Variants in UBE2E2 observed in about 807,000 individuals in gnomAD.
UBE2E2 encodes the protein ubiquitin-conjugating enzyme E2 E2.
Under a neutral mutation model 24.7 loss-of-function variants are expected in UBE2E2, and 6 were observed. The ratio of observed to expected loss-of-function variants is 0.24; its 90% CI spans 0.13 to 0.48. The LOEUF is 0.48. Among genes scored for constraint, UBE2E2 ranks in the 20% least tolerant of loss-of-function variants. The probability of loss-of-function intolerance (pLI) is 0.99; values close to 1 mark genes in which losing one functional copy is unlikely to be tolerated. For synonymous variants in UBE2E2, 104 were observed against 83.6 expected (o/e 1.24, Z -1.33); for missense variants, 169 against 245.0 (o/e 0.69, Z 2.07).
intron 3 of UBE2E2, among the ~76,000 whole-genome samples, chr3:23,268,678 T>G (rs1350758323): frequency 1.3e-5 from 2 of 149,592 alleles, no homozygotes; most frequent in African/African-American, 5.0e-5. Context: ...CCAATGAGTT[T>G]CTTCACAGAA....
intron 3 of UBE2E2, among the ~76,000 whole-genome samples, chr3:23,415,270 A>G (rs1395030578): frequency 1.3e-5 from 2 of 152,256 alleles, no homozygotes; most frequent in African/African-American, 2.4e-5. Context: ...AGTCCTTCAC[A>G]TACTAACTAG....
intron 3 of UBE2E2, among the ~76,000 whole-genome samples, chr3:23,342,655 T>G (rs922005917): frequency 6.6e-6 from 1 of 152,206 alleles, no homozygotes; most frequent in African/African-American, 2.4e-5. Flanking sequence ...TGTGTATATT[T>G]AAACATTCCT....
chr3:23,366,591 G>A (rs183454076), intron 3 of UBE2E2, among the ~76,000 whole-genome samples: 3 of 152,196 alleles, frequency 2.0e-5, no homozygotes, highest in Admixed American at 6.5e-5. Context: ...ACAAATAAGG[G>A]TACAACAGAC....
At chr3:23,261,866 C>A (rs958670472) in intron 3 of UBE2E2, among the ~76,000 whole-genome samples, 1 of 152,058 alleles carries the variant, frequency 6.6e-6, no homozygotes, top group Non-Finnish European at 1.5e-5. Context: ...TTTCTTTATT[C>A]ATTTATAGGT....
intron 3 of UBE2E2, among the ~76,000 whole-genome samples, chr3:23,244,928 T>C (rs1389131079): frequency 6.6e-6 from 1 of 152,174 alleles, no homozygotes; most frequent in Non-Finnish European, 1.5e-5. Context: ...TATTTAATTA[T>C]AGAATAAAAA....
intron 3 of UBE2E2, among the ~76,000 whole-genome samples, chr3:23,241,597 C>A (rs976687695): frequency 6.6e-6 from 1 of 152,098 alleles, no homozygotes; most frequent in African/African-American, 2.4e-5. Flanking sequence ...AATGTCATCT[C>A]GGTGAGGCTA....
intron 5 of UBE2E2, among the ~76,000 whole-genome samples, chr3:23,560,210 C>T (rs1418615986): frequency 3.1e-5 from 4 of 130,708 alleles, no homozygotes; most frequent in Admixed American, 7.7e-5. Context: ...TACCTCCCCC[C>T]TCCCCCTCCC....
chr3:23,566,312 C>G (rs1037193493), intron 5 of UBE2E2, among the ~76,000 whole-genome samples: 65 of 152,164 alleles, frequency 4.3e-4, no homozygotes, highest in African/African-American at 1.4e-3. Flanking sequence ...CATAGCAAGC[C>G]TTGCCAGTGG....
intron 1 of UBE2E2, among the ~76,000 whole-genome samples, chr3:23,207,135 T>G (rs557653218): frequency 2.6e-5 from 4 of 152,322 alleles, no homozygotes; most frequent in African/African-American, 9.6e-5. Flanking sequence ...AGTCTGGGCA[T>G]GAGTTTTGTT....
At chr3:23,411,117 G>A (rs1208848458) in intron 3 of UBE2E2, among the ~76,000 whole-genome samples, 1 of 152,114 alleles carries the variant, frequency 6.6e-6, no homozygotes, top group Non-Finnish European at 1.5e-5. Flanking sequence ...CATTAGGAAA[G>A]GGCAAGACAA....
chr3:23,328,782 C>A (rs1312858406), intron 3 of UBE2E2, among the ~76,000 whole-genome samples: 2 of 152,088 alleles, frequency 1.3e-5, no homozygotes, highest in Non-Finnish European at 2.9e-5. Context: ...CTGCCTCAGC[C>A]TCCTGAGTAG....
chr3:23,501,014 A>G (rs998789959), intron 4 of UBE2E2, among the ~76,000 whole-genome samples: 3 of 152,126 alleles, frequency 2.0e-5, no homozygotes, highest in East Asian at 3.9e-4. Context: ...GCCATGGTAA[A>G]TCTAATACTT....
chr3:23,349,960 G>A (rs1453661672), intron 3 of UBE2E2, among the ~76,000 whole-genome samples: 5 of 152,192 alleles, frequency 3.3e-5, no homozygotes, highest in Non-Finnish European at 7.3e-5. Context: ...CCTGACCCCC[G>A]AGCAGCCTAA....
At chr3:23,334,391 T>C (rs1695149701) in intron 3 of UBE2E2, among the ~76,000 whole-genome samples, 1 of 152,140 alleles carries the variant, frequency 6.6e-6, no homozygotes, top group Non-Finnish European at 1.5e-5. Flanking sequence ...TCCATCACTA[T>C]TGATGGGGCA....
intron 5 of UBE2E2, among the ~76,000 whole-genome samples, chr3:23,581,557 A>G (rs1696478593): frequency 6.6e-6 from 1 of 152,230 alleles, no homozygotes; most frequent in Non-Finnish European, 1.5e-5. Flanking sequence ...AAGTGTAGGT[A>G]CCATTATTCT....
chr3:23,543,126 CAACA>C (rs1306434682), intron 5 of UBE2E2, among the ~76,000 whole-genome samples: 1 of 152,104 alleles, frequency 6.6e-6, no homozygotes, highest in Admixed American at 6.6e-5. Context: ...CTAGCCTAGG[CAACA>C]AAGTGAGACC....
At chr3:23,579,734 A>G (rs1437124327) in intron 5 of UBE2E2, among the ~76,000 whole-genome samples, 1 of 152,162 alleles carries the variant, frequency 6.6e-6, no homozygotes, top group Middle Eastern at 3.2e-3. Flanking sequence ...CTATTTCCTA[A>G]GGCTATAGTT....
chr3:23,223,100 A>C (rs1696706252), intron 3 of UBE2E2, among the ~76,000 whole-genome samples: 1 of 129,576 alleles, frequency 7.7e-6, no homozygotes, highest in Non-Finnish European at 1.5e-5. Flanking sequence ...GCTCACTGTA[A>C]CCTCTGCCTC....
At chr3:23,449,187 C>G (rs762359501) in intron 3 of UBE2E2, among the ~76,000 whole-genome samples, 3 of 152,106 alleles carry the variant, frequency 2.0e-5, no homozygotes, top group Non-Finnish European at 2.9e-5. Flanking sequence ...TGCTGCAGCC[C>G]AAACAATGAA....
Sources: allele counts gnomAD v4.1 joint callset (sites outside exome capture counted in the v4.1 genomes callset), GRCh38; gene constraint gnomAD v4.1.1; transcripts MANE v1.5; gene names NCBI Gene and HGNC (gene_info 2026-07-23, HGNC 2026-07-21).